Variants in TRAK2 observed in about 807,000 individuals in gnomAD.
TRAK2 encodes trafficking kinesin-binding protein 2.
Under a neutral mutation model 104.6 loss-of-function variants are expected in TRAK2, and 81 were observed. The ratio of observed to expected loss-of-function variants is 0.77; its 90% CI spans 0.65 to 0.93. The LOEUF (loss-of-function observed/expected upper bound fraction) is 0.93, where lower values mean the gene tolerates loss of function less well. Ranked by LOEUF, TRAK2 falls within the 40% of genes least tolerant of loss-of-function variation. TRAK2 has a pLI of 0.00. For missense variants in TRAK2, 1,002 were observed against 1,089.0 expected, an observed-to-expected ratio of 0.92 and a Z score of 1.12; for synonymous variants, 406 against 394.4, an observed-to-expected ratio of 1.03 and a Z score of -0.35.
rs1176551366 is a variant in TRAK2 at position 201,381,164 on chromosome 2, C to A, written c.2124G>T (p.Thr708=). ...AGGACAAGGCAGGAGAATTCACAGC[C>A]GTGTTGGATGAACTGCTACCGCTAC... The part of the protein sequence containing the change: ...CGSSGSSSSN[T]AVNSPALSYR... The change falls in exon 16 of 16, where the codon ACG becomes ACT. Residue 708 remains threonine, a synonymous_variant. Coordinates refer to ENST00000332624, the MANE Select transcript of TRAK2 (RefSeq NM_015049.3). The A allele has an allele frequency of 6.2e-7, 1 of 1,613,400 alleles. No individual in the cohort carries two copies.
chr2:201,429,982 T>A (rs547477299), intron 1 of TRAK2, among the ~76,000 whole-genome samples: 2 of 152,328 alleles, frequency 1.3e-5, no homozygotes, highest in Admixed American at 6.5e-5. Flanking sequence ...TATCTACCTT[T>A]GGTCTTTGAT....
chr2:201,408,421 C>A (rs1032378162), intron 2 of TRAK2, among the ~76,000 whole-genome samples: 20 of 152,028 alleles, frequency 1.3e-4, no homozygotes, highest in Non-Finnish European at 2.6e-4. Context: ...TATTTCATCA[C>A]CCAGGTACCA....
Position 201,420,538 on chromosome 2 carries a change from G to A in TRAK2, c.-31C>T, listed in dbSNP as rs765948129. On this transcript the variant is annotated 5_prime_UTR_variant, in exon 2 of 16. Coordinates refer to ENST00000332624, the MANE Select transcript of TRAK2 (RefSeq NM_015049.3). Reference sequence around the variant, plus strand: ...ATCCTTTCTTGCTTTGGTTGAGAAGGACAGCTTTGGTATGAATCAGAGTAA... The same window carrying A: ...ATCCTTTCTTGCTTTGGTTGAGAAGAACAGCTTTGGTATGAATCAGAGTAA... The A allele has an allele frequency of 1.9e-6, 3 of 1,563,290 alleles. No individual in the cohort carries two copies. The East Asian group carries it at 6.7e-5, about 35-fold the overall frequency.
At chr2:201,390,587 A>C (rs1015986680) in intron 10 of TRAK2, among the ~76,000 whole-genome samples, 34 of 151,380 alleles carry the variant, frequency 2.2e-4, no homozygotes, top group African/African-American at 7.2e-4. Flanking sequence ...AAAAAGTAAA[A>C]ACAAAAATAC....
intron 7 of TRAK2, among the ~76,000 whole-genome samples, chr2:201,396,599 A>G (rs1022920396): frequency 6.6e-6 from 1 of 152,160 alleles, no homozygotes; most frequent in Admixed American, 6.6e-5. Flanking sequence ...ATTAATAACT[A>G]ATAATAAAAT....
chr2:201,384,174 G>T lies in TRAK2; in HGVS notation c.2006C>A (p.Ser669Ter), dbSNP rs1951367903. The T allele has an allele frequency of 6.2e-7, 1 of 1,613,620 alleles. No individual in the cohort carries two copies. Among genetic ancestry groups the T allele is most frequent in the Non-Finnish European group, 8.5e-7 (1 of 1,179,708 alleles). Residue 669 changes from serine to a stop codon, truncating the protein, a stop_gained, in exon 15 of 16, where the codon TCA (serine) becomes TAA (stop). Coordinates refer to ENST00000332624, the MANE Select transcript of TRAK2 (RefSeq NM_015049.3). LOFTEE classifies it high-confidence loss of function. The stretch of plus-strand genomic sequence containing the variant: ...TCTACAGGTGGTGAAAGTGAATGTT[G>T]AGTTTGTGCACGACAGGCACTTTCC... ...NPGKCLSCTNSTFTFTTCRIL... is the reference protein window; with the variant it reads ...NPGKCLSCTN
chr2:201,379,888 T>C lies in TRAK2; in HGVS notation c.*655A>G, dbSNP rs1389896220. 1.3e-5 allele frequency: 2 copies of C among 150,808 alleles called. No individual in the cohort carries two copies. The highest frequency in any genetic ancestry group is 2.9e-5 in the Non-Finnish European group (2 of 67,812). 9.3% of individuals were successfully genotyped at this position (150,808 alleles called of 1,614,324 possible). On this transcript the variant is annotated 3_prime_UTR_variant, in exon 16 of 16. Transcript: ENST00000332624. ...TTTATTAATCATAAATACAAAATAA[T>C]TGAGTGGTATTTGGGCTCCCAGGGG... is the stretch of plus-strand genomic sequence containing the variant.
Position 201,397,521 on chromosome 2 carries a change from G to T in TRAK2, c.750C>A (p.Ser250Arg), listed in dbSNP as rs758790135. Residue 250 changes from serine to arginine, a missense_variant, in exon 7 of 16, where the codon AGC becomes AGA. Transcript: ENST00000332624. ...ACTCACGAAGTTCTTTAACACAGTCGCTGACAAGCTGTTGTTCCTTTTCTT... is the reference window on the plus strand; with the variant it reads ...ACTCACGAAGTTCTTTAACACAGTCTCTGACAAGCTGTTGTTCCTTTTCTT... ...TYEEKEQQLV[S>R]DCVKELRETN... 1.9e-5 allele frequency: 30 copies of T among 1,612,170 alleles called. No homozygotes were observed. Among genetic ancestry groups the T allele is most frequent in the Admixed American group, 3.3e-5 (2 of 59,910 alleles).
intron 2 of TRAK2, among the ~76,000 whole-genome samples, chr2:201,416,803 G>A (rs1951695652): frequency 6.6e-6 from 1 of 151,832 alleles, no homozygotes. Flanking sequence ...CCTGGAGCAA[G>A]CAGTGAGAAA....
chr2:201,412,168 C>T, intron 2 of TRAK2: 3 of 971,858 alleles, frequency 3.1e-6, no homozygotes, highest in Non-Finnish European at 5.0e-6. Context: ...CAAAAGGTAC[C>T]ATGTCAGGGT....
chr2:201,446,173 C>T (rs557901796), intron 1 of TRAK2, among the ~76,000 whole-genome samples: 4 of 152,196 alleles, frequency 2.6e-5, no homozygotes, highest in African/African-American at 9.6e-5. Context: ...AGACATTTCC[C>T]CTCCCTGCAA....
intron 1 of TRAK2, among the ~76,000 whole-genome samples, chr2:201,431,639 C>T (rs948059490): frequency 6.6e-6 from 1 of 152,194 alleles, no homozygotes; most frequent in African/African-American, 2.4e-5. Context: ...CATAATCTTC[C>T]GTCTCAAGAT....
intron 2 of TRAK2, chr2:201,412,357 T>G (rs1951654851): frequency 7.5e-7 from 1 of 1,337,612 alleles, no homozygotes. Context: ...TGTCATTTGA[T>G]CTGCATCTGG....
At position 201,392,426 on chromosome 2, in the gene TRAK2, C is replaced by T. The variant is rs185437556; in HGVS notation, c.1113+483G>A. ...AACATTACAAATTCTAATATAAACT[C>T]AGAAGTTTTTATTAATTTTTTAATA... is the stretch of plus-strand genomic sequence containing the variant. On this transcript the variant is annotated intron_variant, in intron 10 of 15. Coordinates refer to ENST00000332624, the MANE Select transcript of TRAK2 (RefSeq NM_015049.3). 3.3e-5 allele frequency among the ~76,000 whole-genome samples: 5 copies of T among 152,124 alleles called. No homozygotes were observed. In the East Asian group the frequency reaches 9.7e-4, roughly 29 times the overall value.
intron 3 of TRAK2, 70 bp downstream of exon 3, chr2:201,407,333 A>G: frequency 2.2e-6 from 3 of 1,391,684 alleles, no homozygotes; most frequent in Non-Finnish European, 3.0e-6. Context: ...CAGTGCTTTA[A>G]AAATCAATAC....
intron 2 of TRAK2, chr2:201,413,240 TACAGCACTAGTG>T (rs1951663410): frequency 1.4e-6 from 2 of 1,384,458 alleles, no homozygotes. Flanking sequence ...GATTTCTCAT[TACAGCACTAGTG>T]ACATCAGCTG....
At chr2:201,420,362 T>C in intron 2 of TRAK2, 55 bp downstream of exon 2, 1 of 1,459,990 alleles carries the variant, frequency 6.8e-7, no homozygotes. Context: ...GACTGAGGCA[T>C]TTGCATTTTC....
At position 201,392,892 on chromosome 2, in the gene TRAK2, C is replaced by T. The variant is rs752310691; in HGVS notation, c.1113+17G>A. The T allele has an allele frequency of 6.2e-7, 1 of 1,604,182 alleles. No homozygotes were observed. The highest frequency in any genetic ancestry group is 1.1e-5 in the South Asian group (1 of 89,878). On this transcript the variant is annotated intron_variant, in intron 10 of 15. Coordinates refer to ENST00000332624, the MANE Select transcript of TRAK2 (RefSeq NM_015049.3). ...ACAAATTTCTTTAAATACATAGCAT[C>T]TTTCTTAGTTGCTTACCCCAGTAAA...
intron 12 of TRAK2, among the ~76,000 whole-genome samples, chr2:201,388,690 T>A (rs1407211010): frequency 6.6e-6 from 1 of 152,190 alleles, no homozygotes; most frequent in Admixed American, 6.5e-5. Context: ...TAAATCCACA[T>A]AAATGTGTTT....
Sources: allele counts gnomAD v4.1 joint callset (sites outside exome capture counted in the v4.1 genomes callset), GRCh38; gene constraint gnomAD v4.1.1; transcripts MANE v1.5; gene names NCBI Gene and HGNC (gene_info 2026-07-23, HGNC 2026-07-21).